MTMR3: variants seen among roughly 807,000 people sequenced by gnomAD.
MTMR3 encodes phosphatidylinositol-3,5-bisphosphate 3-phosphatase MTMR3.
MTMR3 carries 32 observed loss-of-function variants against 132.4 expected under a neutral mutation model. The observed-to-expected ratio is 0.24, with a 90% CI of 0.18 to 0.32. The LOEUF is 0.32. Among genes scored for constraint, MTMR3 ranks in the 10% least tolerant of loss-of-function variants. The pLI is 1.00. For synonymous variants in MTMR3, 556 were observed against 550.3 expected, an observed-to-expected ratio of 1.01 and a Z score of -0.14; for missense variants, 1,216 against 1,489.6, an observed-to-expected ratio of 0.82 and a Z score of 3.02.
intron 1 of MTMR3, among the ~76,000 whole-genome samples, chr22:29,916,892 A>G (rs1021866453): frequency 3.3e-5 from 5 of 152,164 alleles, no homozygotes; most frequent in African/African-American, 4.8e-5. Flanking sequence ...TACTTTACCA[A>G]TTGCTCCCTA....
chr22:29,969,529 GT>G (rs559546223), intron 2 of MTMR3, among the ~76,000 whole-genome samples: 5 of 150,376 alleles, frequency 3.3e-5, no homozygotes, highest in Non-Finnish European at 7.4e-5. Context: ...TCTTTTTTTT[GT>G]TTTTTTGGTT....
intron 5 of MTMR3, chr22:29,982,527 C>T (rs1602621498): frequency 6.6e-6 from 1 of 152,094 alleles, no homozygotes; most frequent in Admixed American, 6.6e-5. Context: ...ACATTTAAAC[C>T]ATCAAAGCCC....
chr22:30,000,097 T>G (rs960525405), intron 8 of MTMR3: 9 of 152,196 alleles, frequency 5.9e-5, no homozygotes, highest in African/African-American at 2.2e-4. Flanking sequence ...AGTTAACTAC[T>G]ATGATTTTGG....
At chr22:29,922,166 A>G (rs1027771110) in intron 1 of MTMR3, among the ~76,000 whole-genome samples, 5 of 151,820 alleles carry the variant, frequency 3.3e-5, no homozygotes, top group African/African-American at 1.2e-4. Context: ...AGCTGGGATT[A>G]CAGGCACCCG....
Position 30,030,645 on chromosome 22 carries a change from G to T in MTMR3, c.*4844G>T, listed in dbSNP as rs2067997443. The T allele has an allele frequency of 9.5e-6, 1 of 105,782 alleles. No individual in the cohort carries two copies. Among genetic ancestry groups the T allele is most frequent in the African/African-American group, 3.8e-5 (1 of 26,278 alleles). 6.6% of individuals were successfully genotyped at this position (105,782 alleles called of 1,614,324 possible). On this transcript the variant is annotated 3_prime_UTR_variant, in exon 20 of 20. Transcript: ENST00000401950. ...CTCTCAGCGAGGAGGGGGCGGGGGG[G>T]GGGTCACTATTTATCTTCCAGAGGC...
At chr22:29,982,598 ATACT>A (rs2145893434) in intron 5 of MTMR3, 1 of 152,358 alleles carries the variant, frequency 6.6e-6, no homozygotes, top group East Asian at 1.9e-4. Flanking sequence ...TTAAATCAAA[ATACT>A]TAGCACTTCA....
chr22:29,975,505 C>T (rs1014502759), intron 3 of MTMR3, among the ~76,000 whole-genome samples: 4 of 152,120 alleles, frequency 2.6e-5, no homozygotes, highest in Non-Finnish European at 4.4e-5. Flanking sequence ...CAGGCAGATA[C>T]GTGGTTAGAA....
chr22:29,917,359 C>T (rs187030672), intron 1 of MTMR3, among the ~76,000 whole-genome samples: 1 of 152,220 alleles, frequency 6.6e-6, no homozygotes, highest in East Asian at 1.9e-4. Context: ...CCAGAGGAGC[C>T]AAGTGGCTCA....
chr22:29,920,087 G>T (rs571248734), intron 1 of MTMR3, among the ~76,000 whole-genome samples: 2 of 151,968 alleles, frequency 1.3e-5, no homozygotes, highest in Non-Finnish European at 2.9e-5. Flanking sequence ...GTTGGCACGT[G>T]CCTGTAGTCC....
chr22:29,946,640 A>C (rs1016327150), intron 1 of MTMR3, among the ~76,000 whole-genome samples: 1 of 152,224 alleles, frequency 6.6e-6, no homozygotes, highest in Non-Finnish European at 1.5e-5. Flanking sequence ...GGGCAATATC[A>C]TTCAAACCTC....
intron 19 of MTMR3, 84 bp from the exon 20 acceptor site, chr22:30,025,546 G>A (rs1169892570): frequency 5.6e-6 from 8 of 1,437,012 alleles, no homozygotes; most frequent in South Asian, 2.4e-5. Flanking sequence ...AATTACACAC[G>A]GCAAAGTTTG....
intron 1 of MTMR3, among the ~76,000 whole-genome samples, chr22:29,936,287 CT>C (rs1362939810): frequency 6.6e-6 from 1 of 152,092 alleles, no homozygotes; most frequent in Non-Finnish European, 1.5e-5. Context: ...TGCTTGGGAA[CT>C]TTTAGGTAGT....
At chr22:29,901,860 G>A (rs567037262) in intron 1 of MTMR3, among the ~76,000 whole-genome samples, 2 of 152,192 alleles carry the variant, frequency 1.3e-5, no homozygotes, top group East Asian at 3.9e-4. Context: ...TGTATTTTGA[G>A]ATTCATCCAT....
At chr22:29,915,981 A>G (rs2145757864) in intron 1 of MTMR3, among the ~76,000 whole-genome samples, 1 of 152,204 alleles carries the variant, frequency 6.6e-6, no homozygotes, top group South Asian at 2.1e-4. Context: ...TCTGCCTTCA[A>G]ATTATATACC....
chr22:30,020,614 C>G lies in MTMR3; in HGVS notation c.2955C>G (p.His985Gln), dbSNP rs1329888320. The change falls in exon 17 of 20, where the codon CAC becomes CAG. Residue 985 changes from histidine to glutamine, a missense_variant. Coordinates refer to ENST00000401950, the MANE Select transcript of MTMR3 (RefSeq NM_021090.4). ...SAMSCSSAHL[H>Q]SRNLHHKWLH... ...TGAGCTGCAGCTCTGCCCACTTACA[C>G]TCAAGGAACTTGCACCACAAGTGGC... 1.2e-6 allele frequency: 2 copies of G among 1,614,108 alleles called. No homozygotes were observed. Among genetic ancestry groups the G allele is most frequent in the African/African-American group, 1.3e-5 (1 of 74,936 alleles).
intron 5 of MTMR3, chr22:29,980,486 G>A (rs953664352): frequency 2.0e-5 from 3 of 152,234 alleles, no homozygotes; most frequent in African/African-American, 7.2e-5. Context: ...GAGGGGAAAG[G>A]GGGGAAACAC....
intron 1 of MTMR3, among the ~76,000 whole-genome samples, chr22:29,919,452 A>G (rs2065368710): frequency 6.6e-6 from 1 of 152,226 alleles, no homozygotes; most frequent in African/African-American, 2.4e-5. Flanking sequence ...GTCGTAAAAC[A>G]GTGATAAATA....
intron 12 of MTMR3, chr22:30,009,430 AC>A: frequency 3.6e-6 from 1 of 275,088 alleles, no homozygotes; most frequent in South Asian, 6.4e-5. Flanking sequence ...TTGTCCTGGG[AC>A]CTTTCCCTTC....
rs772641960 is a variant in MTMR3, at chr22:30,025,811, AC to A, written c.*12del. 3.1e-6 allele frequency: 5 copies of A among 1,613,568 alleles called. No homozygotes were observed. Among genetic ancestry groups the A allele is most frequent in the Non-Finnish European group, 4.2e-6 (5 of 1,179,978 alleles). On this transcript the variant is annotated 3_prime_UTR_variant, in exon 20 of 20. Coordinates refer to ENST00000401950, the MANE Select transcript of MTMR3 (RefSeq NM_021090.4). Reference sequence around the variant, plus strand: ...TGCCACTTCCAACTGAAGCTCAGTGACCTGGGTGGGCAGTGGCCAAGCTGCT... The same window carrying A: ...TGCCACTTCCAACTGAAGCTCAGTGACTGGGTGGGCAGTGGCCAAGCTGCT...
Sources: allele counts gnomAD v4.1 joint callset (sites outside exome capture counted in the v4.1 genomes callset), GRCh38; gene constraint gnomAD v4.1.1; transcripts MANE v1.5; gene names NCBI Gene and HGNC (gene_info 2026-07-23, HGNC 2026-07-21).